The following CRISP2 variants were observed in gnomAD, a reference collection of about 807,000 sequenced individuals.
The protein encoded by CRISP2 is cysteine-rich secretory protein 2.
In CRISP2, 29 loss-of-function variants were observed where a neutral mutation model predicts 31.7. That is an observed-to-expected ratio of 0.92 (90% confidence interval 0.68 to 1.25). The LOEUF (loss-of-function observed/expected upper bound fraction) is 1.25. CRISP2 is among the 50% of genes most tolerant of loss of function. The probability of loss-of-function intolerance (pLI) is 0.00; values close to 1 mark genes in which losing one functional copy is unlikely to be tolerated. For synonymous variants in CRISP2, 111 were observed against 101.4 expected (o/e 1.09, Z -0.57); for missense variants, 318 against 286.5 (o/e 1.11, Z -0.79).
intron 2 of CRISP2, 131 bp downstream of exon 2, chr6:49,712,370 G>A (rs1385825263): frequency 1.3e-5 from 2 of 152,128 alleles, no homozygotes; most frequent in Non-Finnish European, 2.9e-5. Context: ...TGAAAGCAAT[G>A]TCACTGTTGG....
chr6:49,692,894 C>A lies in CRISP2; in HGVS notation c.611G>T (p.Ser204Ile), dbSNP rs772587233. 28 of 1,613,246 alleles carry A rather than the reference C, an allele frequency of 1.7e-5. No homozygotes were observed. The highest frequency in any genetic ancestry group is 2.2e-5 in the Non-Finnish European group (26 of 1,179,420). The change falls in exon 10 of 10, where the codon AGT becomes ATT. Residue 204 changes from serine to isoleucine, a missense_variant. Coordinates refer to ENST00000339139, the MANE Select transcript of CRISP2 (RefSeq NM_003296.4). Reference protein sequence around the residue: ...DDCDKGLCTNSCQYQDLLSNC... With the variant: ...DDCDKGLCTNICQYQDLLSNC... ...ACTTAGGAGATCTTGATACTGGCAA[C>A]TATTGGCTGTAACAAAAACAGATTA... is the stretch of plus-strand genomic sequence containing the variant.
intron 2 of CRISP2, among the ~76,000 whole-genome samples, chr6:49,712,228 G>A (rs1327100093): frequency 1.3e-5 from 2 of 152,122 alleles, no homozygotes; most frequent in Non-Finnish European, 2.9e-5. Flanking sequence ...GTTTTGTATA[G>A]CTCAATCACC....
At chr6:49,697,476 ATCCATCT>A in intron 8 of CRISP2, among the ~76,000 whole-genome samples, 1 of 152,112 alleles carries the variant, frequency 6.6e-6, no homozygotes, top group Non-Finnish European at 1.5e-5. Flanking sequence ...CAAAATCACA[ATCCATCT>A]TCCATTTGCA....
At chr6:49,702,677 T>C (rs1276014937) in intron 4 of CRISP2, among the ~76,000 whole-genome samples, 2 of 152,120 alleles carry the variant, frequency 1.3e-5, no homozygotes, top group East Asian at 3.9e-4. Context: ...TTTGTTTTAG[T>C]TCCTTGTAGA....
chr6:49,678,704 C>A, the CRISP2 span, among the ~76,000 whole-genome samples: 2 of 152,190 alleles, frequency 1.3e-5, no homozygotes, highest in Admixed American at 1.3e-4. Context: ...CTAGTCTTTG[C>A]CCACACGCTT....
chr6:49,697,543 A>G (rs1330875624), intron 8 of CRISP2: 1 of 416,174 alleles, frequency 2.4e-6, no homozygotes, highest in African/African-American at 2.1e-5. Flanking sequence ...TGAAATTAGC[A>G]AGATGTGATG....
the CRISP2 span, among the ~76,000 whole-genome samples, chr6:49,686,236 T>C: frequency 6.6e-6 from 1 of 152,208 alleles, no homozygotes; most frequent in South Asian, 2.1e-4. Flanking sequence ...TAATAATCAA[T>C]TGTGTGGATG....
At chr6:49,700,346 C>T (rs1423934595) in intron 5 of CRISP2, among the ~76,000 whole-genome samples, 2 of 152,064 alleles carry the variant, frequency 1.3e-5, no homozygotes, top group Non-Finnish European at 1.5e-5. Context: ...ACAGCTGACA[C>T]ATATCCTGAA....
downstream of CRISP2, among the ~76,000 whole-genome samples, chr6:49,689,911 A>T (rs1763995805): frequency 6.6e-6 from 1 of 152,100 alleles, no homozygotes; most frequent in Non-Finnish European, 1.5e-5. Context: ...AGGGTTTTCA[A>T]AGCAGAAGAC....
intron 6 of CRISP2, 150 bp downstream of exon 6, chr6:49,699,654 A>AC (rs1765330623): frequency 1.3e-5 from 7 of 540,004 alleles, no homozygotes; most frequent in South Asian, 9.5e-5. Context: ...TATTGTAAAT[A>AC]CCCCTCTGTA....
intron 3 of CRISP2, among the ~76,000 whole-genome samples, chr6:49,710,926 C>T (rs1337219220): frequency 6.6e-6 from 1 of 152,102 alleles, no homozygotes; most frequent in Admixed American, 6.5e-5. Flanking sequence ...CCCAGGAGTT[C>T]AAGATCAGCC....
At chr6:49,683,502 A>G in the CRISP2 span, among the ~76,000 whole-genome samples, 1 of 148,684 alleles carries the variant, frequency 6.7e-6, no homozygotes, top group African/African-American at 2.5e-5. Context: ...CGCCTCTACT[A>G]AAAATACAAA....
At chr6:49,697,616 GC>G (rs1488918063) in intron 8 of CRISP2, 2 of 984,682 alleles carry the variant, frequency 2.0e-6, no homozygotes, top group Non-Finnish European at 2.9e-6. Flanking sequence ...CTGAGGGAAG[GC>G]CAATTGAAAG....
chr6:49,703,679 A>G (rs902889389), intron 4 of CRISP2, among the ~76,000 whole-genome samples: 14 of 152,290 alleles, frequency 9.2e-5, no homozygotes, highest in South Asian at 2.1e-4. Context: ...TAAAGATAGG[A>G]CTACAATCTG....
chr6:49,694,518 T>A (rs1764412833), intron 9 of CRISP2, among the ~76,000 whole-genome samples: 1 of 151,960 alleles, frequency 6.6e-6, no homozygotes, highest in Admixed American at 6.6e-5. Flanking sequence ...TGTGGCAGGC[T>A]CAGTACTAAA....
chr6:49,709,314 C>T, intron 3 of CRISP2, 109 bp from the exon 4 acceptor site: 1 of 918,730 alleles, frequency 1.1e-6, no homozygotes, highest in Non-Finnish European at 1.7e-6. Flanking sequence ...ACTGTGATTC[C>T]CAGATTCATT....
chr6:49,700,852 T>C (rs1270698839), intron 4 of CRISP2, 68 bp from the exon 5 acceptor site: 8 of 998,602 alleles, frequency 8.0e-6, no homozygotes, highest in Admixed American at 1.8e-5. Flanking sequence ...GTGAATAAGT[T>C]AATTCAAGAG....
chr6:49,710,208 T>C (rs1001566374), intron 3 of CRISP2, among the ~76,000 whole-genome samples: 2 of 152,216 alleles, frequency 1.3e-5, no homozygotes, highest in Non-Finnish European at 2.9e-5. Flanking sequence ...ATTGCCTTTA[T>C]GCTCAATTAT....
At chr6:49,700,035 TA>T (rs1765401755) in intron 5 of CRISP2, 144 bp from the exon 6 acceptor site, 3 of 748,266 alleles carry the variant, frequency 4.0e-6, no homozygotes, top group African/African-American at 1.8e-5. Context: ...TAAGTGTTTT[TA>T]TCTCTTCTGG....
Sources: gnomAD v4.1 joint callset for allele counts (sites outside exome capture counted in the v4.1 genomes callset) on GRCh38, gnomAD v4.1.1 for gene constraint, MANE v1.5 for transcripts, NCBI Gene and HGNC (gene_info 2026-07-23, HGNC 2026-07-21) for gene names.